YARS1: variants seen among roughly 807,000 people sequenced by gnomAD.
The protein encoded by YARS1 is tyrosine--tRNA ligase, cytoplasmic.
In YARS1, 36 loss-of-function variants were observed where a neutral mutation model predicts 62.2. The observed-to-expected ratio is 0.58, with a 90% CI of 0.44 to 0.76. The LOEUF (loss-of-function observed/expected upper bound fraction) is 0.76, where lower values mean the gene tolerates loss of function less well. Ranked by LOEUF, YARS1 falls within the 30% of genes least tolerant of loss-of-function variation. The pLI is 0.00. For missense variants in YARS1, 524 were observed against 639.8 expected, an observed-to-expected ratio of 0.82 and a Z score of 1.95; for synonymous variants, 234 against 244.9, an observed-to-expected ratio of 0.96 and a Z score of 0.42.
intron 4 of YARS1, among the ~76,000 whole-genome samples, chr1:32,802,520 A>G (rs1375532996): frequency 1.1e-4 from 16 of 152,114 alleles, no homozygotes; most frequent in Admixed American, 1.0e-3. Context: ...AAATAGTAGG[A>G]CTTGAAAGTT....
chr1:32,806,633 G>A lies in YARS1; in HGVS notation c.381-22C>T, dbSNP rs1337213643. 5 of 1,613,944 alleles carry A rather than the reference G, an allele frequency of 3.1e-6. No individual in the cohort carries two copies. The Admixed American group carries it at 6.7e-5, about 22-fold the overall frequency. ...CTCTCTGAAGAGGAAAGGAAGAGGG[G>A]ACAGCTGTAAACCTGGGCCTAGGCC... On this transcript the variant is annotated intron_variant, in intron 3 of 12. Transcript: ENST00000373477.
intron 4 of YARS1, among the ~76,000 whole-genome samples, chr1:32,798,582 A>G (rs1653677441): frequency 6.6e-6 from 1 of 152,206 alleles, no homozygotes; most frequent in African/African-American, 2.4e-5. Context: ...CACGCCTGTA[A>G]TCCCAGCACT....
At chr1:32,812,084 C>A (rs139016314) in intron 1 of YARS1, among the ~76,000 whole-genome samples, 2 of 152,142 alleles carry the variant, frequency 1.3e-5, no homozygotes, top group Non-Finnish European at 2.9e-5. Context: ...TCCGGTTGTG[C>A]AAACACAGCT....
chr1:32,781,352 T>C, intron 9 of YARS1: 1 of 604,534 alleles, frequency 1.7e-6, no homozygotes, highest in South Asian at 1.9e-5. Flanking sequence ...CCTCAATTAT[T>C]AGACTAGCGG....
At position 32,775,821 on chromosome 1, in the gene YARS1, G is replaced by A; in HGVS notation, c.*160C>T. ...CCAGACAGGATGATCCTGGGTTCTG[G>A]GGAGGGTAAGCTGCCCCTTGCCGAG... On this transcript the variant is annotated 3_prime_UTR_variant, in exon 13 of 13. Coordinates refer to ENST00000373477, the MANE Select transcript of YARS1 (RefSeq NM_003680.4). The A allele has an allele frequency of 4.4e-6, 3 of 687,398 alleles. No homozygotes were observed. The highest frequency in any genetic ancestry group is 7.7e-6 in the Non-Finnish European group (3 of 389,974). 42.6% of individuals were successfully genotyped at this position (687,398 alleles called of 1,614,324 possible).
At chr1:32,783,814 G>C (rs1440663649) in intron 8 of YARS1, 5 of 152,116 alleles carry the variant, frequency 3.3e-5, no homozygotes, top group Non-Finnish European at 5.9e-5. Flanking sequence ...GCCTTGTGTG[G>C]GTATTTAAAT....
intron 6 of YARS1, among the ~76,000 whole-genome samples, chr1:32,790,118 A>C (rs993519757): frequency 4.1e-5 from 6 of 145,666 alleles, no homozygotes; most frequent in Non-Finnish European, 7.5e-5. Context: ...TCCTGACCTC[A>C]AGTATCCATC....
chr1:32,801,210 A>T (rs1185635579), intron 4 of YARS1, among the ~76,000 whole-genome samples: 2 of 152,152 alleles, frequency 1.3e-5, no homozygotes, highest in African/African-American at 4.8e-5. Context: ...GGAATAGAAA[A>T]TGCATATATT....
At chr1:32,791,045 C>A (rs1653398095) in intron 6 of YARS1, 117 bp downstream of exon 6, 1 of 966,268 alleles carries the variant, frequency 1.0e-6, no homozygotes, top group Non-Finnish European at 1.7e-6. Context: ...TGGTGTAAGG[C>A]TCCTTCTAAC....
intron 7 of YARS1, chr1:32,786,703 C>A: frequency 1.4e-6 from 1 of 709,838 alleles, no homozygotes. Context: ...TGCCCCCACC[C>A]TTACTTCTAA....
intron 8 of YARS1, among the ~76,000 whole-genome samples, chr1:32,785,668 C>T (rs542218222): frequency 4.0e-5 from 6 of 151,462 alleles, no homozygotes; most frequent in Non-Finnish European, 7.4e-5. Context: ...CTGCAACCTC[C>T]GACTCCCAGG....
At chr1:32,788,509 C>T (rs1653311692) in intron 6 of YARS1, among the ~76,000 whole-genome samples, 2 of 152,186 alleles carry the variant, frequency 1.3e-5, no homozygotes. Flanking sequence ...CGACTCACCT[C>T]AACCTCCGCC....
chr1:32,812,985 A>C (rs927861103), intron 1 of YARS1, among the ~76,000 whole-genome samples: 2 of 151,792 alleles, frequency 1.3e-5, no homozygotes, highest in South Asian at 2.1e-4. Flanking sequence ...AAAAAAAAAA[A>C]AAACCTTGGC....
Position 32,781,233 on chromosome 1 carries a change from G to GT in YARS1, c.1043-89dup, listed in dbSNP as rs1233542361. On this transcript the variant is annotated intron_variant, in intron 9 of 12. Coordinates refer to ENST00000373477, the MANE Select transcript of YARS1 (RefSeq NM_003680.4). ...CACCACGTTAAGACACTGAGATTAG[G>GT]TAAGATTTAGTGTAGAATCCCCAGA... 1.1e-5 allele frequency: 12 copies of GT among 1,057,398 alleles called. No homozygotes were observed. The African/African-American group carries it at 1.9e-4, about 17-fold the overall frequency. The allele number at this position is 1,057,398 out of a possible 1,614,324, so 65.5% of individuals were successfully genotyped here.
intron 12 of YARS1, among the ~76,000 whole-genome samples, chr1:32,779,181 G>A (rs1287630410): frequency 2.0e-5 from 3 of 152,132 alleles, no homozygotes; most frequent in Non-Finnish European, 2.9e-5. Flanking sequence ...ATGATCTGTC[G>A]GAGATGTAAT....
In YARS1 at chr1:32,776,012, C is replaced by A; in HGVS notation, c.1556G>T (p.Cys519Phe). The change falls in exon 13 of 13, where the codon TGT (cysteine) becomes TTT (phenylalanine). Residue 519 changes from cysteine (C) to phenylalanine (F), a missense_variant. Cys to Phe is a radical substitution (Grantham distance 205). Transcript: ENST00000373477. The surrounding 1 kb of genome is among the most constrained non-coding windows in gnomAD (Gnocchi z 4.0). ...NFMTKLGSISCKSLKGGNIS is the reference protein window; with the variant it reads ...NFMTKLGSISFKSLKGGNIS Reference sequence around the variant, plus strand: ...AATGTTCCCCCCTTTCAGCGATTTACAGGAAATGGAGCCCAGCTTGGTCAT... The same window carrying A: ...AATGTTCCCCCCTTTCAGCGATTTAAAGGAAATGGAGCCCAGCTTGGTCAT... 6.2e-7 allele frequency: 1 copy of A among 1,614,142 alleles called. No individual in the cohort carries two copies. Among genetic ancestry groups the A allele is most frequent in the Non-Finnish European group, 8.5e-7 (1 of 1,180,018 alleles).
At chr1:32,807,388 G>A (rs1638488038) in intron 3 of YARS1, among the ~76,000 whole-genome samples, 1 of 152,056 alleles carries the variant, frequency 6.6e-6, no homozygotes, top group African/African-American at 2.4e-5. Context: ...ACAGAGCACT[G>A]CCTGGTAGCT....
Position 32,810,983 on chromosome 1 carries a change from G to A in YARS1, c.132C>T (p.Thr44=), listed in dbSNP as rs754236830. ...AGTAAGCCACATGTGGTTTGCCCGT[G>A]GTTGCCGTTCCCCAGTAAATTTTAA... The part of the protein sequence containing the change: ...RELKIYWGTA[T]TGKPHVAYFV... Residue 44 remains threonine, a synonymous_variant, in exon 2 of 13, where the codon ACC becomes ACT. Coordinates refer to ENST00000373477, the MANE Select transcript of YARS1 (RefSeq NM_003680.4). 1.2e-6 allele frequency: 2 copies of A among 1,614,074 alleles called. No homozygotes were observed. Among genetic ancestry groups the A allele is most frequent in the Non-Finnish European group, 8.5e-7 (1 of 1,180,032 alleles).
chr1:32,798,027 C>T (rs368736594), intron 4 of YARS1, 184 bp from the exon 5 acceptor site: 12 of 571,734 alleles, frequency 2.1e-5, no homozygotes, highest in East Asian at 1.3e-4. Flanking sequence ...TGCACCACCA[C>T]GCCCGGCTAA....
Sources: allele counts gnomAD v4.1 joint callset (sites outside exome capture counted in the v4.1 genomes callset), GRCh38; gene constraint gnomAD v4.1.1; non-coding constraint Gnocchi (gnomAD v3.1); transcripts MANE v1.5; gene names NCBI Gene and HGNC (gene_info 2026-07-23, HGNC 2026-07-21).